WNT2: variants seen among roughly 807,000 people sequenced by gnomAD.
WNT2 encodes protein Wnt-2.
Under a neutral mutation model 36.9 loss-of-function variants are expected in WNT2, and 12 were observed. The ratio of observed to expected loss-of-function variants is 0.33; its 90% confidence interval spans 0.21 to 0.53. WNT2 has a LOEUF of 0.53. Ranked by LOEUF, WNT2 falls within the 20% of genes least tolerant of loss-of-function variation. The probability of loss-of-function intolerance (pLI) is 0.95; values close to 1 mark genes in which losing one functional copy is unlikely to be tolerated. For missense variants in WNT2, 379 were observed against 473.1 expected (o/e 0.80, Z 1.84); for synonymous variants, 163 against 174.6 (o/e 0.93, Z 0.52).
At position 117,297,771 on chromosome 7, in the gene WNT2, C is replaced by T. The variant is rs576067718; in HGVS notation, c.694G>A (p.Asp232Asn). The T allele has an allele frequency of 8.5e-5, 137 of 1,614,150 alleles. 3 individuals are homozygous for T. In the South Asian group the frequency reaches 1.3e-3, roughly 15 times the overall value. The part of the protein sequence containing the change: ...LAMADFRKTG[D>N]YLWRKYNGAI... ...CCATTGTACTTCCTCCAGAGATAAT[C>T]GCCCGTTTTCCTGAAGTCGGCCATG... is the stretch of plus-strand genomic sequence containing the variant. Residue 232 changes from aspartate to asparagine, a missense_variant, in exon 4 of 5, where the codon GAT becomes AAT. Asp to Asn is a conservative substitution (Grantham distance 23, BLOSUM62 1). Coordinates refer to ENST00000265441, the MANE Select transcript of WNT2 (RefSeq NM_003391.3).
intron 3 of WNT2, among the ~76,000 whole-genome samples, chr7:117,305,018 T>C (rs1416255862): frequency 6.6e-6 from 1 of 152,058 alleles, no homozygotes; most frequent in East Asian, 1.9e-4. Context: ...GGAAATGAGT[T>C]GTGATCAGCT....
rs1292257870 is a variant in WNT2, at chr7:117,278,673, C to G, written c.854-289G>C. On this transcript the variant is annotated intron_variant, in intron 4 of 4. Coordinates refer to ENST00000265441, the MANE Select transcript of WNT2 (RefSeq NM_003391.3). ...CAGCTCTCCCACTTCTGAGTTGGAT[C>G]GACTTTTCAGATTATCCTTACCCAG... Among the ~76,000 whole-genome samples, 8 of 152,316 alleles carry G rather than the reference C, an allele frequency of 5.3e-5. No individual in the cohort carries two copies. The East Asian group carries it at 1.5e-3, about 29-fold the overall frequency.
At chr7:117,280,197 G>A (rs975370889) in intron 4 of WNT2, among the ~76,000 whole-genome samples, 5 of 152,166 alleles carry the variant, frequency 3.3e-5, no homozygotes, top group Admixed American at 2.6e-4. Context: ...GGATGGCTCC[G>A]AGCCTGCATC....
chr7:117,280,654 T>G (rs79584577), intron 4 of WNT2, among the ~76,000 whole-genome samples: 32,589 of 152,122 alleles, frequency 0.21, 4,159 homozygotes, highest in East Asian at 0.43. Context: ...AGATTTGCCA[T>G]GTATCAACTG....
intron 4 of WNT2, among the ~76,000 whole-genome samples, chr7:117,278,700 C>T (rs113825776): frequency 8.6e-4 from 131 of 152,332 alleles, no homozygotes; most frequent in African/African-American, 2.7e-3. Context: ...CTTACCCAGC[C>T]TTGAATTTAA....
intron 4 of WNT2, among the ~76,000 whole-genome samples, chr7:117,287,303 C>T (rs534630945): frequency 6.6e-6 from 1 of 152,280 alleles, no homozygotes; most frequent in Non-Finnish European, 1.5e-5. Context: ...CAAGGTCGTG[C>T]CACTCTACTC....
intron 2 of WNT2, among the ~76,000 whole-genome samples, chr7:117,315,831 C>T (rs1243939604): frequency 6.6e-6 from 1 of 152,224 alleles, no homozygotes; most frequent in Non-Finnish European, 1.5e-5. Context: ...ACTGAAGATA[C>T]TCATATGCAC....
chr7:117,307,516 T>C (rs1165182825), intron 3 of WNT2, among the ~76,000 whole-genome samples: 2 of 152,214 alleles, frequency 1.3e-5, no homozygotes, highest in Non-Finnish European at 2.9e-5. Flanking sequence ...CTGGGGCTCA[T>C]GTTCCTTGGA....
At position 117,277,880 on chromosome 7, in the gene WNT2, C is replaced by T. The variant is rs970603639; in HGVS notation, c.*275G>A. 6.4e-5 allele frequency: 30 copies of T among 465,306 alleles called. No individual in the cohort carries two copies. The highest frequency in any genetic ancestry group is 5.5e-4 in the East Asian group (14 of 25,318). The allele number at this position is 465,306 out of a possible 1,614,324, so 28.8% of individuals were successfully genotyped here. A position where few individuals can be genotyped will look rare whatever the true frequency, so the allele number is the denominator to read the frequency against. ...CAGTGGTCTGGGCCCACCACCCTCC[C>T]GGCTGAACAGCCTGTCATGCTATTT... On this transcript the variant is annotated 3_prime_UTR_variant, in exon 5 of 5. Transcript: ENST00000265441.
chr7:117,319,122 T>A (rs533712705), intron 2 of WNT2, among the ~76,000 whole-genome samples: 6 of 152,332 alleles, frequency 3.9e-5, no homozygotes, highest in African/African-American at 1.4e-4. Context: ...CCATGCATAA[T>A]ATATCCAAAG....
At position 117,322,536 on chromosome 7, in the gene WNT2, T is replaced by TACATAC. The variant is rs1554355368; in HGVS notation, c.83+370_83+371insGTATGT. Among the ~76,000 whole-genome samples, 1 of 127,906 alleles carries TACATAC rather than the reference T, an allele frequency of 7.8e-6. No homozygotes were observed. Among genetic ancestry groups the TACATAC allele is most frequent in the Non-Finnish European group, 1.6e-5 (1 of 62,340 alleles). 83.9% of individuals were successfully genotyped at this position (127,906 alleles called of 152,430 possible). A position where few individuals can be genotyped will look rare whatever the true frequency, so the allele number is the denominator to read the frequency against. ...GCGGTTGTAGTTTTCAAGGTGAATT[T>TACATAC]ACACACACACACACACACACACACA... On this transcript the variant is annotated intron_variant, in intron 1 of 4. Coordinates refer to ENST00000265441, the MANE Select transcript of WNT2 (RefSeq NM_003391.3). This position sits in a 1 kb window ranked among gnomAD's most constrained non-coding sequence, Gnocchi z 5.4.
intron 4 of WNT2, among the ~76,000 whole-genome samples, chr7:117,283,908 C>T (rs1404306129): frequency 2.6e-5 from 4 of 152,186 alleles, no homozygotes; most frequent in Non-Finnish European, 4.4e-5. Context: ...TTGAGAGCCA[C>T]TGATGAGAGA....
Position 117,323,006 on chromosome 7 carries a change from C to T in WNT2, c.-17G>A, listed in dbSNP as rs1391631345. 9 of 1,606,298 alleles carry T rather than the reference C, an allele frequency of 5.6e-6. No individual in the cohort carries two copies. Among genetic ancestry groups the T allele is most frequent in the Non-Finnish European group, 7.6e-6 (9 of 1,176,628 alleles). On this transcript the variant is annotated 5_prime_UTR_variant, in exon 1 of 5. Transcript: ENST00000265441. ...GGCGTTCATATTAACCCCCTTGCGT[C>T]TGCATCAGGTCAGACTCCGTGTGCG...
chr7:117,296,065 A>G (rs1007030401), intron 4 of WNT2, among the ~76,000 whole-genome samples: 1 of 152,202 alleles, frequency 6.6e-6, no homozygotes, highest in African/African-American at 2.4e-5. Context: ...TAAATGATCA[A>G]GACAGCAGCA....
At chr7:117,291,997 G>A (rs1286987863) in intron 4 of WNT2, among the ~76,000 whole-genome samples, 1 of 149,888 alleles carries the variant, frequency 6.7e-6, no homozygotes, top group Non-Finnish European at 1.5e-5. Context: ...GGCTGGTCTC[G>A]AACTCCCAAA....
rs1247623452 is a variant in WNT2, at chr7:117,276,094, C to T, written c.*2061G>A. Among the ~76,000 whole-genome samples the T allele has an allele frequency of 1.3e-5, 2 of 152,132 alleles. No individual in the cohort carries two copies. The highest frequency in any genetic ancestry group is 3.8e-4 in the East Asian group (2 of 5,196). ...ATCTCAAACACTCAAGAGTGTGGTC[C>T]TATTTGTGATGGAGCATTGGGCAAT... On this transcript the variant is annotated 3_prime_UTR_variant, in exon 5 of 5. Coordinates refer to ENST00000265441, the MANE Select transcript of WNT2 (RefSeq NM_003391.3).
intron 4 of WNT2, among the ~76,000 whole-genome samples, chr7:117,279,901 G>A (rs980475843): frequency 2.0e-5 from 3 of 152,178 alleles, no homozygotes; most frequent in Non-Finnish European, 4.4e-5. Flanking sequence ...AACTAGGAAT[G>A]TCTTCCTTTT....
chr7:117,289,581 C>T (rs550887519), intron 4 of WNT2, among the ~76,000 whole-genome samples: 6 of 152,302 alleles, frequency 3.9e-5, no homozygotes, highest in South Asian at 2.1e-4. Context: ...TATGAAGCAG[C>T]GCTAACACAC....
chr7:117,303,591 A>G (rs890180977), intron 3 of WNT2, among the ~76,000 whole-genome samples: 1 of 152,176 alleles, frequency 6.6e-6, no homozygotes, highest in Non-Finnish European at 1.5e-5. Flanking sequence ...ACAGCCGCTG[A>G]TGGAGGGACT....
Sources: allele counts gnomAD v4.1 joint callset (sites outside exome capture counted in the v4.1 genomes callset), GRCh38; gene constraint gnomAD v4.1.1; non-coding constraint Gnocchi (gnomAD v3.1); transcripts MANE v1.5; gene names NCBI Gene and HGNC (gene_info 2026-07-23, HGNC 2026-07-21).